SCN2A: variants seen among roughly 807,000 people sequenced by gnomAD.
SCN2A encodes sodium channel protein type 2 subunit alpha.
In SCN2A, 20 loss-of-function variants were observed where a neutral mutation model predicts 188.7. The ratio of observed to expected loss-of-function variants is 0.11; its 90% CI spans 0.07 to 0.15. The LOEUF (loss-of-function observed/expected upper bound fraction) is 0.15, where lower values mean the gene tolerates loss of function less well. SCN2A is among the 10% of genes least tolerant of loss of function. The probability of loss-of-function intolerance (pLI) is 1.00; values close to 1 mark genes in which losing one functional copy is unlikely to be tolerated. For missense variants in SCN2A, 1,278 were observed against 2,445.0 expected (o/e 0.52, Z 10.07); for synonymous variants, 804 against 833.1 (o/e 0.97, Z 0.60).
chr2:165,289,392 G>A (rs937370076), intron 1 of SCN2A, among the ~76,000 whole-genome samples: 3 of 152,058 alleles, frequency 2.0e-5, no homozygotes, highest in Admixed American at 1.3e-4. Flanking sequence ...AGAAATATCA[G>A]AATTTAGAAT....
chr2:165,286,690 A>T lies in SCN2A; in HGVS notation c.-51-9083A>T, dbSNP rs353136. 7.9e-5 allele frequency among the ~76,000 whole-genome samples: 12 copies of T among 152,178 alleles called. 1 individual carries two copies. The highest frequency in any genetic ancestry group is 4.2e-4 in the South Asian group (2 of 4,806). On this transcript the variant is annotated intron_variant, in intron 1 of 26. Transcript: ENST00000375437. Reference sequence around the variant, plus strand: ...TTGGTGTCATTGACCAACTGCATCCAGGCTAAAAAGCAAGAGGTATTGTTG... The same window carrying T: ...TTGGTGTCATTGACCAACTGCATCCTGGCTAAAAAGCAAGAGGTATTGTTG...
chr2:165,301,919 C>A (rs747890853), intron 3 of SCN2A, among the ~76,000 whole-genome samples: 38 of 152,164 alleles, frequency 2.5e-4, no homozygotes, highest in Non-Finnish European at 1.6e-4. Context: ...CATTTTCTAT[C>A]AGTGGCAGAG....
chr2:165,330,574 T>C (rs1389170270), intron 13 of SCN2A, among the ~76,000 whole-genome samples: 1 of 152,190 alleles, frequency 6.6e-6, no homozygotes, highest in Non-Finnish European at 1.5e-5. Flanking sequence ...ATATGAGAGT[T>C]ATATATTTAA....
chr2:165,303,836 A>T (rs1411688101), intron 3 of SCN2A, among the ~76,000 whole-genome samples: 1 of 152,204 alleles, frequency 6.6e-6, no homozygotes, highest in Non-Finnish European at 1.5e-5. Context: ...TATTAAAATG[A>T]TAGCCATGAA....
chr2:165,347,123 C>A lies in SCN2A; in HGVS notation c.2919+2212C>A, dbSNP rs188876467. Among the ~76,000 whole-genome samples, 3 of 152,262 alleles carry A rather than the reference C, an allele frequency of 2.0e-5. No homozygotes were observed. In the East Asian group the frequency reaches 5.8e-4, roughly 29 times the overall value. On this transcript the variant is annotated intron_variant, in intron 16 of 26. Coordinates refer to ENST00000375437, the MANE Select transcript of SCN2A (RefSeq NM_001040142.2). The stretch of plus-strand genomic sequence containing the variant: ...ACCCAAAGGGTTATAAATCATTCTG[C>A]TATAAAGATGCATGCACACGTATGC...
intron 1 of SCN2A, chr2:165,273,195 G>C (rs975937181): frequency 6.6e-6 from 1 of 152,080 alleles, no homozygotes. Context: ...TGAAGTACTA[G>C]TGAAAATAGT....
intron 14 of SCN2A, among the ~76,000 whole-genome samples, chr2:165,332,774 A>C (rs1272911142): frequency 1.3e-5 from 2 of 151,978 alleles, no homozygotes; most frequent in Non-Finnish European, 2.9e-5. Context: ...AAATTGAATG[A>C]GCTTAAGCAA....
chr2:165,307,456 A>G (rs940557573), intron 3 of SCN2A, among the ~76,000 whole-genome samples: 1 of 152,118 alleles, frequency 6.6e-6, no homozygotes, highest in African/African-American at 2.4e-5. Context: ...GTTATAATAC[A>G]TTTAATTAAT....
At chr2:165,311,938 C>T (rs1697457251) in intron 7 of SCN2A, 87 bp from the exon 8 acceptor site, 2 of 829,290 alleles carry the variant, frequency 2.4e-6, no homozygotes, top group East Asian at 5.2e-5. Context: ...TGATTGAAAA[C>T]ATTTGTGAGC....
intron 1 of SCN2A, among the ~76,000 whole-genome samples, chr2:165,259,150 G>GA (rs1177920114): frequency 6.6e-6 from 1 of 152,148 alleles, no homozygotes; most frequent in Non-Finnish European, 1.5e-5. Context: ...AATTACATCT[G>GA]AAAAAGCAAT....
chr2:165,363,781 C>A (rs534001983), intron 17 of SCN2A, among the ~76,000 whole-genome samples: 26 of 152,068 alleles, frequency 1.7e-4, no homozygotes, highest in African/African-American at 5.8e-4. Context: ...AATATATAAT[C>A]TTTGATTTAA....
intron 13 of SCN2A, among the ~76,000 whole-genome samples, chr2:165,330,952 C>T (rs780985509): frequency 6.6e-6 from 1 of 152,180 alleles, no homozygotes; most frequent in Non-Finnish European, 1.5e-5. Context: ...GTTCTTAGGA[C>T]ATCTCCTGAG....
intron 19 of SCN2A, 80 bp from the exon 20 acceptor site, chr2:165,370,046 G>C: frequency 2.4e-6 from 3 of 1,253,302 alleles, no homozygotes; most frequent in Non-Finnish European, 3.4e-6. Flanking sequence ...ATAAGAGCTT[G>C]CATCGTTTCC....
At chr2:165,249,005 C>A (rs555841633) in intron 1 of SCN2A, among the ~76,000 whole-genome samples, 17 of 152,198 alleles carry the variant, frequency 1.1e-4, no homozygotes, top group Admixed American at 7.9e-4. Context: ...TAAAATCAAA[C>A]CTTAAATGAC....
At chr2:165,282,158 C>T (rs941655206) in intron 1 of SCN2A, among the ~76,000 whole-genome samples, 12 of 152,188 alleles carry the variant, frequency 7.9e-5, no homozygotes, top group Non-Finnish European at 1.8e-4. Context: ...GCACCTCAGG[C>T]TGGAAGTGCC....
chr2:165,293,536 G>T (rs185819030), intron 1 of SCN2A, among the ~76,000 whole-genome samples: 4 of 152,050 alleles, frequency 2.6e-5, no homozygotes, highest in African/African-American at 9.7e-5. Flanking sequence ...ATCTAAACAC[G>T]TCTAAACATA....
chr2:165,349,971 T>C (rs1038143115), intron 16 of SCN2A, among the ~76,000 whole-genome samples: 1 of 152,162 alleles, frequency 6.6e-6, no homozygotes, highest in Non-Finnish European at 1.5e-5. Flanking sequence ...TCCACCCAAA[T>C]AGATGTAGTA....
rs565024734 is a variant in SCN2A, at chr2:165,304,374, C to T, written c.387-3474C>T. On this transcript the variant is annotated intron_variant, in intron 3 of 26. Transcript: ENST00000375437. ...CCTCCTGAAATGCTGAGATTATAGG[C>T]GAGAGCCATGGCACCTGGCCAACAA... 5.3e-5 allele frequency among the ~76,000 whole-genome samples: 8 copies of T among 152,262 alleles called. No homozygotes were observed. In the South Asian group the frequency reaches 1.5e-3, roughly 28 times the overall value.
intron 1 of SCN2A, among the ~76,000 whole-genome samples, chr2:165,241,604 A>G (rs1018970250): frequency 6.6e-6 from 1 of 152,236 alleles, no homozygotes; most frequent in African/African-American, 2.4e-5. Context: ...TGTCCATGGT[A>G]GAGATAAAGA....
Sources: allele counts gnomAD v4.1 joint callset (sites outside exome capture counted in the v4.1 genomes callset), GRCh38; gene constraint gnomAD v4.1.1; transcripts MANE v1.5; gene names NCBI Gene and HGNC (gene_info 2026-07-23, HGNC 2026-07-21).